The following CFAP54 variants were observed in gnomAD, a reference collection of about 807,000 sequenced individuals.
The protein encoded by CFAP54 is cilia and flagella associated protein 54.
In CFAP54, 290 loss-of-function variants were observed where a neutral mutation model predicts 370.4. The ratio of observed to expected loss-of-function variants is 0.78; its 90% CI spans 0.71 to 0.86. The LOEUF is 0.86. CFAP54 is among the 40% of genes least tolerant of loss of function. The pLI is 0.00. For missense variants in CFAP54, 3,399 were observed against 3,528.7 expected, an observed-to-expected ratio of 0.96 and a Z score of 0.93; for synonymous variants, 1,206 against 1,236.5, an observed-to-expected ratio of 0.98 and a Z score of 0.52.
At chr12:96,636,253 C>T (rs1265012204) in intron 32 of CFAP54, among the ~76,000 whole-genome samples, 1 of 152,158 alleles carries the variant, frequency 6.6e-6, no homozygotes, top group Non-Finnish European at 1.5e-5. Context: ...CACACCATCC[C>T]TGCACATTTT....
Position 96,693,702 on chromosome 12 carries a change from G to C in CFAP54, c.6265-20G>C, listed in dbSNP as rs1957412054. ...TTGATAAAATATATTTTGAAACAAA[G>C]AGTGTTTTTCTCCTGATAGGTTCTG... On this transcript the variant is annotated intron_variant, in intron 44 of 67. Coordinates refer to ENST00000524981, the MANE Select transcript of CFAP54 (RefSeq NM_001306084.2). 1.4e-6 allele frequency: 2 copies of C among 1,434,142 alleles called. No homozygotes were observed. Among genetic ancestry groups the C allele is most frequent in the Non-Finnish European group, 1.9e-6 (2 of 1,037,210 alleles). 88.8% of individuals were successfully genotyped at this position (1,434,142 alleles called of 1,614,324 possible).
intron 67 of CFAP54, among the ~76,000 whole-genome samples, chr12:96,864,982 G>A (rs1959967268): frequency 6.6e-6 from 1 of 152,084 alleles, no homozygotes; most frequent in African/African-American, 2.4e-5. Context: ...ATCTATGTGT[G>A]CATAGGCTTG....
rs1241805550 is a variant in CFAP54, at chr12:96,689,843, G to C, written c.6081+861G>C. Among the ~76,000 whole-genome samples the C allele has an allele frequency of 2.6e-5, 4 of 152,134 alleles. No homozygotes were observed. In the East Asian group the frequency reaches 7.7e-4, roughly 29 times the overall value. ...TACTGAAGGTTCTATTTACTTTGAA[G>C]GATGGGCACTCTTGTTCTGTGTATC... is the stretch of plus-strand genomic sequence containing the variant. On this transcript the variant is annotated intron_variant, in intron 43 of 67. Coordinates refer to ENST00000524981, the MANE Select transcript of CFAP54 (RefSeq NM_001306084.2).
Position 96,826,811 on chromosome 12 carries a change from AC to A in CFAP54, c.9097-2202del, listed in dbSNP as rs1959116103. On this transcript the variant is annotated intron_variant, in intron 65 of 67. Coordinates refer to ENST00000524981, the MANE Select transcript of CFAP54 (RefSeq NM_001306084.2). ...TAAATAATATATAATTATATATTAT[AC>A]ATATTAATATATTATATAATATATC... is the stretch of plus-strand genomic sequence containing the variant. Among the ~76,000 whole-genome samples, 4 of 114,490 alleles carry A rather than the reference AC, an allele frequency of 3.5e-5. No homozygotes were observed. In the South Asian group the frequency reaches 9.6e-4, roughly 27 times the overall value. The allele number at this position is 114,490 out of a possible 152,430, so 75.1% of individuals were successfully genotyped here.
At chr12:96,677,563 A>C (rs1957225229) in intron 39 of CFAP54, among the ~76,000 whole-genome samples, 1 of 152,136 alleles carries the variant, frequency 6.6e-6, no homozygotes, top group Admixed American at 6.5e-5. Context: ...ACCATGCAAG[A>C]CTGGGCATGG....
intron 26 of CFAP54, among the ~76,000 whole-genome samples, chr12:96,617,907 G>T (rs537947339): frequency 1.3e-5 from 2 of 151,418 alleles, no homozygotes; most frequent in East Asian, 2.0e-4. Flanking sequence ...GGAGAATGGC[G>T]TGAACCCGGG....
chr12:96,857,121 C>CT (rs1959725670), intron 66 of CFAP54, among the ~76,000 whole-genome samples: 2 of 152,168 alleles, frequency 1.3e-5, no homozygotes, highest in Non-Finnish European at 2.9e-5. Context: ...ATCACAAGAA[C>CT]AGCATGGAGG....
At chr12:96,653,108 A>T (rs1331932659) in intron 36 of CFAP54, among the ~76,000 whole-genome samples, 1 of 152,238 alleles carries the variant, frequency 6.6e-6, no homozygotes, top group Non-Finnish European at 1.5e-5. Flanking sequence ...GGACCCTCTC[A>T]GACTTCACTC....
chr12:96,739,920 AT>A, intron 50 of CFAP54, 35 bp from the exon 51 acceptor site: 1 of 1,224,024 alleles, frequency 8.2e-7, no homozygotes, highest in South Asian at 1.3e-5. Context: ...CACAAATATA[AT>A]ACTGATAACA....
intron 27 of CFAP54, 64 bp downstream of exon 27, chr12:96,621,785 GTAT>G: frequency 8.9e-7 from 1 of 1,120,364 alleles, no homozygotes; most frequent in East Asian, 4.5e-5. Context: ...GGGTAATGTA[GTAT>G]TATTAAACAT....
intron 30 of CFAP54, among the ~76,000 whole-genome samples, chr12:96,627,612 T>C (rs1956561498): frequency 6.6e-6 from 1 of 152,168 alleles, no homozygotes; most frequent in Non-Finnish European, 1.5e-5. Context: ...TAAAAACATA[T>C]AGAAAGATTT....
At chr12:96,774,396 T>G (rs764757584) in intron 60 of CFAP54, among the ~76,000 whole-genome samples, 1 of 152,196 alleles carries the variant, frequency 6.6e-6, no homozygotes, top group South Asian at 2.1e-4. Context: ...AAATAACTTA[T>G]AGAAATCTAT....
chr12:96,866,888 T>C (rs1960019033), intron 67 of CFAP54, among the ~76,000 whole-genome samples: 1 of 152,184 alleles, frequency 6.6e-6, no homozygotes, highest in African/African-American at 2.4e-5. Flanking sequence ...CAGAAAAGTA[T>C]TGAGATTCAA....
chr12:96,794,687 T>G (rs958607859), intron 63 of CFAP54, among the ~76,000 whole-genome samples: 11 of 152,242 alleles, frequency 7.2e-5, no homozygotes, highest in Admixed American at 2.6e-4. Context: ...TACCTTTCTC[T>G]GGTGCCTCCT....
intron 39 of CFAP54, among the ~76,000 whole-genome samples, chr12:96,670,777 G>C (rs1406995143): frequency 6.6e-6 from 1 of 152,206 alleles, no homozygotes; most frequent in African/African-American, 2.4e-5. Context: ...AGGACGGACT[G>C]TTGTGTTTGG....
At chr12:96,868,348 T>TC (rs1387126622) in intron 67 of CFAP54, among the ~76,000 whole-genome samples, 1 of 152,176 alleles carries the variant, frequency 6.6e-6, no homozygotes, top group East Asian at 1.9e-4. Flanking sequence ...TGAATGTTTT[T>TC]CACATTTTTT....
intron 27 of CFAP54, among the ~76,000 whole-genome samples, chr12:96,622,230 C>G (rs1956504743): frequency 6.6e-6 from 1 of 152,058 alleles, no homozygotes; most frequent in African/African-American, 2.4e-5. Context: ...AAGCATGAGT[C>G]TTACAAGAAC....
intron 46 of CFAP54, among the ~76,000 whole-genome samples, chr12:96,703,662 A>C (rs1371554276): frequency 6.6e-6 from 1 of 152,090 alleles, no homozygotes; most frequent in Non-Finnish European, 1.5e-5. Context: ...CAAGTAATAC[A>C]CCAAAAAGGA....
intron 58 of CFAP54, among the ~76,000 whole-genome samples, chr12:96,760,684 C>T (rs549557848): frequency 7.2e-5 from 11 of 152,294 alleles, no homozygotes; most frequent in African/African-American, 1.9e-4. Context: ...AGGCATGTAC[C>T]GCCATGCCCA....
Sources: allele counts gnomAD v4.1 joint callset (sites outside exome capture counted in the v4.1 genomes callset), GRCh38; gene constraint gnomAD v4.1.1; transcripts MANE v1.5; gene names NCBI Gene and HGNC (gene_info 2026-07-23, HGNC 2026-07-21).